Variants in CDH23 observed in about 807,000 individuals in gnomAD.
CDH23 encodes the protein cadherin related 23.
In CDH23, 189 loss-of-function variants were observed where a neutral mutation model predicts 317.1. The ratio of observed to expected loss-of-function variants is 0.60; its 90% confidence interval spans 0.53 to 0.67. The LOEUF is 0.67. Ranked by LOEUF, CDH23 falls within the 30% of genes least tolerant of loss-of-function variation. The pLI is 0.00. For missense variants in CDH23, 4,401 were observed against 4,592.4 expected, an observed-to-expected ratio of 0.96 and a Z score of 1.20; for synonymous variants, 1,839 against 1,876.8, an observed-to-expected ratio of 0.98 and a Z score of 0.52.
At chr10:71,748,360 G>A (rs561052628) in intron 38 of CDH23, 30 of 152,626 alleles carry the variant, frequency 2.0e-4, no homozygotes, top group Middle Eastern at 3.4e-3. Context: ...CCATCGCCAC[G>A]GACTCCCCCA....
At chr10:71,710,405 C>G (rs1048976200) in intron 27 of CDH23, among the ~76,000 whole-genome samples, 1 of 152,234 alleles carries the variant, frequency 6.6e-6, no homozygotes, top group African/African-American at 2.4e-5. Context: ...CCCTCCTGCT[C>G]CTGGGCTTTT....
chr10:71,467,052 C>G (rs1851288448), intron 3 of CDH23, among the ~76,000 whole-genome samples: 1 of 152,128 alleles, frequency 6.6e-6, no homozygotes, highest in African/African-American at 2.4e-5. Flanking sequence ...CCTCTATTTT[C>G]TTTGTGGAGC....
At chr10:71,436,384 C>T (rs7088574) in intron 1 of CDH23, among the ~76,000 whole-genome samples, 3 of 152,100 alleles carry the variant, frequency 2.0e-5, no homozygotes, top group Admixed American at 2.0e-4. Context: ...TGTATGCAGG[C>T]GCTCACTTTT....
intron 18 of CDH23, among the ~76,000 whole-genome samples, chr10:71,684,952 C>T (rs1864813508): frequency 6.6e-6 from 1 of 152,324 alleles, no homozygotes; most frequent in Admixed American, 6.5e-5. Context: ...TTCAGTCCCA[C>T]TTTACAGATG....
Position 71,511,369 on chromosome 10 carries a change from G to A in CDH23, c.429+157G>A, listed in dbSNP as rs1287267037. On this transcript the variant is annotated intron_variant, in intron 6 of 69. Coordinates refer to ENST00000224721, the MANE Select transcript of CDH23 (RefSeq NM_022124.6). ...CTCTGAGCAGGTTGGCGAACATGCT[G>A]GTACCCTGGGAATCGGGGCCCAGCC... 5 of 713,290 alleles carry A rather than the reference G, an allele frequency of 7.0e-6. 1 individual carries two copies. Among genetic ancestry groups the A allele is most frequent in the Non-Finnish European group, 1.2e-5 (5 of 402,552 alleles). 44.2% of individuals were successfully genotyped at this position (713,290 alleles called of 1,614,324 possible). A position where few individuals can be genotyped will look rare whatever the true frequency, so the allele number is the denominator to read the frequency against.
chr10:71,620,423 C>T (rs1861409405), intron 11 of CDH23, among the ~76,000 whole-genome samples: 1 of 152,180 alleles, frequency 6.6e-6, no homozygotes, highest in Admixed American at 6.5e-5. Context: ...CGGAACCCCC[C>T]AGGACTGCTC....
intron 10 of CDH23, among the ~76,000 whole-genome samples, chr10:71,616,109 C>T (rs1391684589): frequency 1.3e-5 from 2 of 152,352 alleles, no homozygotes; most frequent in Middle Eastern, 3.4e-3. Context: ...GCTACAGTCC[C>T]GCACCCGCTG....
chr10:71,777,616 C>T lies in CDH23; in HGVS notation c.4846-64C>T, dbSNP rs1057242364. On this transcript the variant is annotated intron_variant, in intron 38 of 69. Coordinates refer to ENST00000224721, the MANE Select transcript of CDH23 (RefSeq NM_022124.6). ...AGTGAGTTCAGCCCAGGAGAACAGCCATCTGGATCCACCTTGGTCCCTCTG... is the reference window on the plus strand; with the variant it reads ...AGTGAGTTCAGCCCAGGAGAACAGCTATCTGGATCCACCTTGGTCCCTCTG... 3.5e-6 allele frequency: 5 copies of T among 1,430,156 alleles called. No homozygotes were observed. The African/African-American group carries it at 7.1e-5, about 20-fold the overall frequency. 88.6% of individuals were successfully genotyped at this position (1,430,156 alleles called of 1,614,324 possible). A position where few individuals can be genotyped will look rare whatever the true frequency, so the allele number is the denominator to read the frequency against.
chr10:71,533,625 G>A (rs775915619), intron 6 of CDH23, among the ~76,000 whole-genome samples: 1 of 151,626 alleles, frequency 6.6e-6, no homozygotes, highest in Non-Finnish European at 1.5e-5. Flanking sequence ...TGTTAAAAGC[G>A]TAGGTGATTA....
chr10:71,471,361 G>A (rs1401210871), intron 3 of CDH23, among the ~76,000 whole-genome samples: 1 of 152,174 alleles, frequency 6.6e-6, no homozygotes, highest in Non-Finnish European at 1.5e-5. Flanking sequence ...GGTCACTCAC[G>A]ACCTGGAACT....
intron 69 of CDH23, among the ~76,000 whole-genome samples, chr10:71,814,603 G>A (rs1842055763): frequency 6.6e-6 from 1 of 152,130 alleles, no homozygotes; most frequent in Admixed American, 6.5e-5. Flanking sequence ...AGATTGCAGT[G>A]AGCCAAAATC....
intron 11 of CDH23, among the ~76,000 whole-genome samples, chr10:71,622,229 C>G (rs1172794677): frequency 6.6e-6 from 1 of 152,012 alleles, no homozygotes; most frequent in Admixed American, 6.6e-5. Flanking sequence ...ATCCTTAAAC[C>G]CCCTGTGCCG....
chr10:71,509,405 G>A (rs1853826964), intron 3 of CDH23, among the ~76,000 whole-genome samples: 1 of 152,252 alleles, frequency 6.6e-6, no homozygotes, highest in African/African-American at 2.4e-5. Flanking sequence ...TGGAGCTAAT[G>A]TCAGCAGAGC....
At chr10:71,632,390 G>A (rs1862053906) in intron 11 of CDH23, among the ~76,000 whole-genome samples, 1 of 152,216 alleles carries the variant, frequency 6.6e-6, no homozygotes. Flanking sequence ...GCCATAGATG[G>A]TCCTTGAGCA....
intron 48 of CDH23, chr10:71,796,090 A>T: frequency 1.0e-6 from 1 of 986,346 alleles, no homozygotes. Context: ...GTAAGTGACT[A>T]CCCCATGGCT....
At chr10:71,427,228 A>AGAAAGAAAGAAAGAAAGAAAGAAAGG (rs1564572909) in intron 1 of CDH23, among the ~76,000 whole-genome samples, 13 of 81,116 alleles carry the variant, frequency 1.6e-4, no homozygotes, top group African/African-American at 6.6e-4. Flanking sequence ...AAAGAAAGAA[A>AGAAAGAAAGAAAGAAAGAAAGAAAGG]GAAAGAAAGA....
chr10:71,462,600 G>T (rs1488115760), intron 3 of CDH23, among the ~76,000 whole-genome samples: 1 of 152,254 alleles, frequency 6.6e-6, no homozygotes, highest in Non-Finnish European at 1.5e-5. Context: ...ACCTGGGGTG[G>T]TTCTGTCACC....
intron 9 of CDH23, among the ~76,000 whole-genome samples, chr10:71,599,874 T>G (rs1366397010): frequency 6.6e-6 from 1 of 152,214 alleles, no homozygotes; most frequent in Non-Finnish European, 1.5e-5. Context: ...CCTGCTAGGC[T>G]TTAAGCATCT....
chr10:71,807,445 G>A (rs2132988206), intron 58 of CDH23, 39 bp downstream of exon 58: 1 of 1,612,900 alleles, frequency 6.2e-7, no homozygotes, highest in Non-Finnish European at 8.5e-7. Flanking sequence ...TTACCCTGGG[G>A]CTAGAGATGA....
Sources: gnomAD v4.1 joint callset for allele counts (sites outside exome capture counted in the v4.1 genomes callset) on GRCh38, gnomAD v4.1.1 for gene constraint, MANE v1.5 for transcripts, NCBI Gene and HGNC (gene_info 2026-07-23, HGNC 2026-07-21) for gene names.